The following EHBP1 variants were observed in gnomAD, a reference collection of about 807,000 sequenced individuals.
EHBP1 encodes EH domain binding protein 1, also known as EH domain-binding protein 1.
In EHBP1, 55 loss-of-function variants were observed where a neutral mutation model predicts 144.0. The observed-to-expected ratio is 0.38, with a 90% confidence interval of 0.31 to 0.48. The LOEUF is 0.48. Among genes scored for constraint, EHBP1 ranks in the 20% least tolerant of loss-of-function variants. The pLI, the probability that EHBP1 is intolerant of heterozygous loss-of-function variation, is 0.98. For synonymous variants in EHBP1, 469 were observed against 472.7 expected, an observed-to-expected ratio of 0.99 and a Z score of 0.10; for missense variants, 1,200 against 1,364.2, an observed-to-expected ratio of 0.88 and a Z score of 1.90.
chr2:62,750,215 T>A (rs2039549048), intron 3 of EHBP1, among the ~76,000 whole-genome samples: 1 of 152,208 alleles, frequency 6.6e-6, no homozygotes, highest in African/African-American at 2.4e-5. Flanking sequence ...TAGCCACTTT[T>A]CCCAGCACCA....
At chr2:62,998,186 C>T (rs1390449768) in intron 19 of EHBP1, among the ~76,000 whole-genome samples, 1 of 152,116 alleles carries the variant, frequency 6.6e-6, no homozygotes, top group Non-Finnish European at 1.5e-5. Flanking sequence ...ATACGGGACC[C>T]TTCTTGCTAC....
Position 62,889,047 on chromosome 2 carries a change from C to CTTTTTTTTTTT in EHBP1, c.1185+14539_1185+14549dup, listed in dbSNP as rs71410971. On this transcript the variant is annotated intron_variant, in intron 10 of 22. Transcript: ENST00000431489. ...TCATAAATTTTGGCAGTAGGTACCT[C>CTTTTTTTTTTT]TTTTTTTTTTTTTTTTTTTTTTTTT... is the stretch of plus-strand genomic sequence containing the variant. Among the ~76,000 whole-genome samples, 10 of 39,726 alleles carry CTTTTTTTTTTT rather than the reference C, an allele frequency of 2.5e-4. 1 individual carries two copies. Among genetic ancestry groups the CTTTTTTTTTTT allele is most frequent in the Admixed American group, 9.9e-4 (2 of 2,012 alleles). 26.1% of individuals were successfully genotyped at this position (39,726 alleles called of 152,430 possible).
chr2:62,986,505 C>T (rs113239108), intron 15 of EHBP1, among the ~76,000 whole-genome samples: 20 of 148,528 alleles, frequency 1.3e-4, no homozygotes, highest in South Asian at 8.6e-4. Flanking sequence ...TGCAGTGGCG[C>T]GATCTCGGCT....
At chr2:62,897,434 T>C (rs1434589071) in intron 10 of EHBP1, among the ~76,000 whole-genome samples, 1 of 152,240 alleles carries the variant, frequency 6.6e-6, no homozygotes, top group Non-Finnish European at 1.5e-5. Context: ...TTATTTCATA[T>C]ATGTTGGATA....
intron 10 of EHBP1, among the ~76,000 whole-genome samples, chr2:62,899,869 G>A (rs1337611632): frequency 6.6e-6 from 1 of 152,156 alleles, no homozygotes; most frequent in African/African-American, 2.4e-5. Context: ...CCACAACACT[G>A]AAATATGCAC....
intron 3 of EHBP1, among the ~76,000 whole-genome samples, chr2:62,751,278 G>A (rs1233433351): frequency 6.6e-6 from 1 of 152,120 alleles, no homozygotes; most frequent in East Asian, 1.9e-4. Context: ...TTATATGCTG[G>A]ATTACATTTA....
chr2:62,899,611 T>C (rs1170198656), intron 10 of EHBP1, among the ~76,000 whole-genome samples: 2 of 152,248 alleles, frequency 1.3e-5, no homozygotes, highest in East Asian at 3.8e-4. Flanking sequence ...GCATTTGTTC[T>C]GTCACAGATA....
At chr2:62,706,198 TGAG>T (rs1172541017) in intron 1 of EHBP1, 146 bp downstream of exon 1, 1 of 152,438 alleles carries the variant, frequency 6.6e-6, no homozygotes, top group Non-Finnish European at 1.5e-5. Flanking sequence ...GCTCCGTGCG[TGAG>T]GAGACTGGGC....
chr2:62,887,494 C>CT (rs376289277), intron 10 of EHBP1, among the ~76,000 whole-genome samples: 6 of 150,170 alleles, frequency 4.0e-5, no homozygotes, highest in African/African-American at 1.2e-4. Flanking sequence ...TCCCAGCACT[C>CT]TAAGAGGCTG....
intron 7 of EHBP1, among the ~76,000 whole-genome samples, chr2:62,833,253 T>A (rs1380589542): frequency 6.6e-6 from 1 of 152,158 alleles, no homozygotes; most frequent in Non-Finnish European, 1.5e-5. Flanking sequence ...TCATAAGGTT[T>A]AAGGAAAGAA....
At chr2:62,777,161 G>A (rs1376186746) in intron 5 of EHBP1, among the ~76,000 whole-genome samples, 4 of 151,996 alleles carry the variant, frequency 2.6e-5, no homozygotes, top group Non-Finnish European at 5.9e-5. Context: ...TTGTAGAGAC[G>A]GAGTCTCCCT....
intron 10 of EHBP1, among the ~76,000 whole-genome samples, chr2:62,926,453 C>T (rs1574086307): frequency 2.0e-5 from 3 of 151,932 alleles, no homozygotes. Context: ...GATTAATACC[C>T]AGAATATAAA....
chr2:62,884,388 T>G (rs1665798070), intron 10 of EHBP1, among the ~76,000 whole-genome samples: 1 of 152,196 alleles, frequency 6.6e-6, no homozygotes, highest in South Asian at 2.1e-4. Context: ...AAATTTACCC[T>G]CAGAGGAAGT....
At chr2:62,720,498 A>G (rs2036126200) in intron 2 of EHBP1, among the ~76,000 whole-genome samples, 1 of 152,156 alleles carries the variant, frequency 6.6e-6, no homozygotes, top group Non-Finnish European at 1.5e-5. Flanking sequence ...CCTCTCCAAA[A>G]TCATTAAATG....
intron 7 of EHBP1, among the ~76,000 whole-genome samples, chr2:62,847,351 T>C (rs1382614587): frequency 6.6e-6 from 1 of 152,104 alleles, no homozygotes; most frequent in Non-Finnish European, 1.5e-5. Flanking sequence ...AGATAGATCA[T>C]AGACCTAAAT....
intron 14 of EHBP1, among the ~76,000 whole-genome samples, chr2:62,967,200 C>T (rs959369310): frequency 6.6e-6 from 1 of 152,166 alleles, no homozygotes; most frequent in African/African-American, 2.4e-5. Flanking sequence ...TCATTCATTG[C>T]GCTACAATTT....
intron 7 of EHBP1, among the ~76,000 whole-genome samples, chr2:62,831,482 G>C (rs2046820398): frequency 6.6e-6 from 1 of 152,100 alleles, no homozygotes; most frequent in African/African-American, 2.4e-5. Flanking sequence ...TGCCTGTAAA[G>C]GATAATAGGA....
At chr2:62,988,597 T>C (rs367882339) in intron 15 of EHBP1, among the ~76,000 whole-genome samples, 1 of 152,164 alleles carries the variant, frequency 6.6e-6, no homozygotes, top group East Asian at 1.9e-4. Flanking sequence ...TAAATTGCTT[T>C]GGCAATGGAC....
chr2:62,840,781 C>A (rs2047764221), intron 7 of EHBP1, among the ~76,000 whole-genome samples: 1 of 151,376 alleles, frequency 6.6e-6, no homozygotes, highest in Non-Finnish European at 1.5e-5. Context: ...AAATCAAAAC[C>A]ACTATGAGAT....
Sources: allele counts gnomAD v4.1 joint callset (sites outside exome capture counted in the v4.1 genomes callset), GRCh38; gene constraint gnomAD v4.1.1; transcripts MANE v1.5; gene names NCBI Gene and HGNC (gene_info 2026-07-23, HGNC 2026-07-21).